CLSTN2: variants seen among roughly 807,000 people sequenced by gnomAD.
CLSTN2 encodes the protein calsyntenin-2.
A neutral mutation model predicts 101.2 loss-of-function variants in CLSTN2; 48 were observed. The observed-to-expected ratio is 0.47, with a 90% confidence interval of 0.38 to 0.60. The LOEUF (loss-of-function observed/expected upper bound fraction) is 0.60, where lower values mean the gene tolerates loss of function less well. Ranked by LOEUF, CLSTN2 falls within the 20% of genes least tolerant of loss-of-function variation. The probability of loss-of-function intolerance (pLI) is 0.00; values close to 1 mark genes in which losing one functional copy is unlikely to be tolerated. For missense variants in CLSTN2, 1,160 were observed against 1,238.2 expected (o/e 0.94, Z 0.95); for synonymous variants, 481 against 463.6 (o/e 1.04, Z -0.48).
chr3:140,528,636 C>CAA (rs3057900), intron 8 of CLSTN2, among the ~76,000 whole-genome samples: 5 of 148,986 alleles, frequency 3.4e-5, no homozygotes, highest in East Asian at 4.0e-4. Context: ...GTGCCTCTGA[C>CAA]AAAAAAAAGA....
chr3:140,212,808 ACC>A (rs1269717793), intron 2 of CLSTN2, among the ~76,000 whole-genome samples: 1 of 152,066 alleles, frequency 6.6e-6, no homozygotes, highest in Non-Finnish European at 1.5e-5. Context: ...CATAAGACCC[ACC>A]AGGCCTCAGC....
chr3:139,937,312 G>A (rs1323113061), intron 1 of CLSTN2, among the ~76,000 whole-genome samples: 1 of 152,072 alleles, frequency 6.6e-6, no homozygotes, highest in Non-Finnish European at 1.5e-5. Flanking sequence ...AGAGGTAAGC[G>A]AGAAAGAGAA....
intron 2 of CLSTN2, among the ~76,000 whole-genome samples, chr3:140,200,601 C>T (rs906693062): frequency 2.0e-5 from 3 of 152,156 alleles, no homozygotes; most frequent in Admixed American, 6.5e-5. Context: ...TATATTGACA[C>T]GCACAATCCT....
chr3:140,350,818 G>A (rs911903329), intron 2 of CLSTN2, among the ~76,000 whole-genome samples: 10 of 152,304 alleles, frequency 6.6e-5, no homozygotes, highest in Admixed American at 1.3e-4. Flanking sequence ...GAGATTAGAT[G>A]CTTGAGATGG....
chr3:140,488,116 A>G (rs1934275174), intron 8 of CLSTN2, among the ~76,000 whole-genome samples: 1 of 152,220 alleles, frequency 6.6e-6, no homozygotes, highest in Non-Finnish European at 1.5e-5. Flanking sequence ...AACCCAGAGA[A>G]GAAGAAAAAA....
At chr3:140,307,667 T>C (rs1039475426) in intron 2 of CLSTN2, among the ~76,000 whole-genome samples, 1 of 152,148 alleles carries the variant, frequency 6.6e-6, no homozygotes, top group African/African-American at 2.4e-5. Context: ...AATTTTTCAG[T>C]TGGTTCGTTG....
At chr3:139,988,901 T>TA (rs1477825404) in intron 1 of CLSTN2, among the ~76,000 whole-genome samples, 1 of 152,176 alleles carries the variant, frequency 6.6e-6, no homozygotes, top group Non-Finnish European at 1.5e-5. Flanking sequence ...CATGATTACT[T>TA]AGTCACTCCC....
At chr3:140,076,598 G>C (rs75701353) in intron 1 of CLSTN2, among the ~76,000 whole-genome samples, 1 of 139,546 alleles carries the variant, frequency 7.2e-6, no homozygotes, top group Non-Finnish European at 1.5e-5. Flanking sequence ...CAACTTTGTG[G>C]TCAATGACTC....
rs1469616439 is a variant in CLSTN2, at chr3:140,141,426, C to T, written c.110-34525C>T. On this transcript the variant is annotated intron_variant, in intron 1 of 16. Transcript: ENST00000458420. ...CGGAAGAAGGCACAGGCAGGAGTGA[C>T]AGAGATAGACAGGGGCTGTTTTAGA... is the stretch of plus-strand genomic sequence containing the variant. Among the ~76,000 whole-genome samples, 5 of 152,160 alleles carry T rather than the reference C, an allele frequency of 3.3e-5. No homozygotes were observed. In the South Asian group the frequency reaches 1.0e-3, roughly 32 times the overall value.
chr3:139,965,265 GAA>G (rs987632854), intron 1 of CLSTN2, among the ~76,000 whole-genome samples: 10 of 152,208 alleles, frequency 6.6e-5, no homozygotes, highest in African/African-American at 2.4e-4. Flanking sequence ...CAAGAGAGCT[GAA>G]CCAACCTCCC....
chr3:140,143,622 C>G (rs1024441684), intron 1 of CLSTN2, among the ~76,000 whole-genome samples: 5 of 152,158 alleles, frequency 3.3e-5, no homozygotes, highest in Non-Finnish European at 7.4e-5. Flanking sequence ...AATTAACCAC[C>G]ACCAGATTCT....
At chr3:140,144,721 G>C (rs1004656443) in intron 1 of CLSTN2, among the ~76,000 whole-genome samples, 1 of 152,126 alleles carries the variant, frequency 6.6e-6, no homozygotes, top group African/African-American at 2.4e-5. Flanking sequence ...AGTGCTATTT[G>C]TACTGGAAGT....
chr3:140,445,303 G>A (rs1329842092), intron 5 of CLSTN2, among the ~76,000 whole-genome samples: 1 of 152,166 alleles, frequency 6.6e-6, no homozygotes, highest in Non-Finnish European at 1.5e-5. Context: ...GATTTGAGGT[G>A]GAATTTCTCA....
chr3:140,211,129 G>A (rs979007240), intron 2 of CLSTN2, among the ~76,000 whole-genome samples: 2 of 151,990 alleles, frequency 1.3e-5, no homozygotes, highest in African/African-American at 4.8e-5. Flanking sequence ...GGAAGCTCTG[G>A]ACTGGCTGTC....
intron 1 of CLSTN2, among the ~76,000 whole-genome samples, chr3:140,062,319 T>A (rs2008220833): frequency 6.6e-6 from 1 of 152,094 alleles, no homozygotes; most frequent in Non-Finnish European, 1.5e-5. Context: ...CATTGAGGGG[T>A]CCCTATTCTA....
chr3:140,192,380 A>C (rs1417808855), intron 2 of CLSTN2, among the ~76,000 whole-genome samples: 1 of 151,924 alleles, frequency 6.6e-6, no homozygotes, highest in African/African-American at 2.4e-5. Context: ...TAGTTCTATG[A>C]ATTATTGAGG....
At chr3:140,158,411 G>C (rs2009990897) in intron 1 of CLSTN2, among the ~76,000 whole-genome samples, 1 of 146,290 alleles carries the variant, frequency 6.8e-6, no homozygotes, top group African/African-American at 2.8e-5. Flanking sequence ...TAACATTCAA[G>C]CTGAAAGTCA....
chr3:140,264,481 A>C (rs2086679153), intron 2 of CLSTN2, among the ~76,000 whole-genome samples: 2 of 144,624 alleles, frequency 1.4e-5, no homozygotes, highest in African/African-American at 5.0e-5. Context: ...GACATAAAAC[A>C]AGGTATATAA....
rs1354578946 is a variant in CLSTN2, at chr3:140,475,120, C to A, written c.1344+8389C>A. Among the ~76,000 whole-genome samples, 9 of 128,908 alleles carry A rather than the reference C, an allele frequency of 7.0e-5. 1 individual carries two copies. In the Admixed American group the frequency reaches 7.1e-4, roughly 10 times the overall value. 84.6% of individuals were successfully genotyped at this position (128,908 alleles called of 152,430 possible). A position where few individuals can be genotyped will look rare whatever the true frequency, so the allele number is the denominator to read the frequency against. ...AGTGCAGGTAGTTTCAGATCTATAG[C>A]AGGCAATGAACAAGTAGTGACTGCT... On this transcript the variant is annotated intron_variant, in intron 8 of 16. Coordinates refer to ENST00000458420, the MANE Select transcript of CLSTN2 (RefSeq NM_022131.3).
Sources: allele counts gnomAD v4.1 joint callset (sites outside exome capture counted in the v4.1 genomes callset), GRCh38; gene constraint gnomAD v4.1.1; transcripts MANE v1.5; gene names NCBI Gene and HGNC (gene_info 2026-07-23, HGNC 2026-07-21).